The following ETV6 variants were observed in gnomAD, a reference collection of about 807,000 sequenced individuals.
ETV6 encodes transcription factor ETV6.
A neutral mutation model predicts 51.1 loss-of-function variants in ETV6; 16 were observed. The ratio of observed to expected loss-of-function variants is 0.31; its 90% CI spans 0.21 to 0.48. The LOEUF (loss-of-function observed/expected upper bound fraction) is 0.48. Ranked by LOEUF, ETV6 falls within the 20% of genes least tolerant of loss-of-function variation. ETV6 has a pLI of 0.99. For missense variants in ETV6, 458 were observed against 594.8 expected (o/e 0.77, Z 2.39); for synonymous variants, 240 against 224.1 (o/e 1.07, Z -0.64).
intron 1 of ETV6, among the ~76,000 whole-genome samples, chr12:11,675,383 G>A (rs1039691641): frequency 1.3e-5 from 2 of 152,186 alleles, no homozygotes; most frequent in South Asian, 2.1e-4. Context: ...CTGAGCAAGT[G>A]CATCTATACA....
At chr12:11,779,580 C>T (rs189294873) in intron 2 of ETV6, among the ~76,000 whole-genome samples, 16 of 152,244 alleles carry the variant, frequency 1.1e-4, no homozygotes, top group Admixed American at 2.0e-4. Flanking sequence ...GTTCAAGTGA[C>T]GCAACCATTT....
intron 2 of ETV6, among the ~76,000 whole-genome samples, chr12:11,760,854 A>G (rs1480466372): frequency 4.6e-5 from 7 of 151,230 alleles, no homozygotes; most frequent in Non-Finnish European, 1.5e-5. Context: ...AGAAGAAATA[A>G]TGATCACTAC....
At chr12:11,820,630 G>A (rs1759075827) in intron 2 of ETV6, among the ~76,000 whole-genome samples, 1 of 152,134 alleles carries the variant, frequency 6.6e-6, no homozygotes, top group African/African-American at 2.4e-5. Context: ...GTAGGTCTGA[G>A]GAACAGCAGA....
chr12:11,882,980 C>A (rs1947123733), intron 5 of ETV6, among the ~76,000 whole-genome samples: 1 of 152,220 alleles, frequency 6.6e-6, no homozygotes, highest in South Asian at 2.1e-4. Context: ...CTCTGAGGAT[C>A]AGAAATAATA....
At chr12:11,795,255 T>G (rs1186791716) in intron 2 of ETV6, among the ~76,000 whole-genome samples, 5 of 152,234 alleles carry the variant, frequency 3.3e-5, no homozygotes, top group Non-Finnish European at 5.9e-5. Context: ...ATATTAAACT[T>G]GGGATAACTT....
chr12:11,855,667 C>T lies in ETV6; in HGVS notation c.463+2106C>T, dbSNP rs183359046. On this transcript the variant is annotated intron_variant, in intron 4 of 7. Coordinates refer to ENST00000396373, the MANE Select transcript of ETV6 (RefSeq NM_001987.5). ...AGCCTGACTCCAGGCGATGACACCA[C>T]CTCCTTGTGCCAAGCATTTCACAGC... 2.4e-3 allele frequency among the ~76,000 whole-genome samples: 370 copies of T among 152,320 alleles called. 2 individuals are homozygous for T. The highest frequency in any genetic ancestry group is 0.014 in the Middle Eastern group (4 of 294).
At chr12:11,778,943 G>C (rs565635046) in intron 2 of ETV6, among the ~76,000 whole-genome samples, 9 of 152,346 alleles carry the variant, frequency 5.9e-5, no homozygotes, top group African/African-American at 2.2e-4. Context: ...CAAACTGTCA[G>C]ACTTGGGTTG....
At chr12:11,670,398 A>G (rs1864291334) in intron 1 of ETV6, among the ~76,000 whole-genome samples, 1 of 152,238 alleles carries the variant, frequency 6.6e-6, no homozygotes, top group Non-Finnish European at 1.5e-5. Context: ...AATTTTTCAA[A>G]TAGTGGTCTT....
intron 1 of ETV6, among the ~76,000 whole-genome samples, chr12:11,702,336 T>A (rs1864998905): frequency 6.6e-6 from 1 of 152,208 alleles, no homozygotes; most frequent in Non-Finnish European, 1.5e-5. Flanking sequence ...TTTAGAGGTC[T>A]GTTTTTAGAA....
chr12:11,665,117 C>G (rs1864171055), intron 1 of ETV6, among the ~76,000 whole-genome samples: 1 of 152,198 alleles, frequency 6.6e-6, no homozygotes, highest in Admixed American at 6.5e-5. Context: ...AGGTGATTCT[C>G]CCATCTCAGC....
chr12:11,749,288 TACACACACACACACACACACACACAC>T (rs761925697), intron 1 of ETV6, among the ~76,000 whole-genome samples: 5,163 of 122,958 alleles, frequency 0.042, 221 homozygotes, highest in East Asian at 0.1. Context: ...ATCCCCCCCA[TACACACACACACACACACACACACAC>T]ACACACACAC....
intron 1 of ETV6, among the ~76,000 whole-genome samples, chr12:11,735,756 G>A (rs989835628): frequency 2.6e-4 from 39 of 152,140 alleles, no homozygotes; most frequent in African/African-American, 8.2e-4. Context: ...CCGCCAGTAC[G>A]CCTGGCTAAT....
intron 1 of ETV6, among the ~76,000 whole-genome samples, chr12:11,667,704 T>TTC (rs1864221690): frequency 7.6e-6 from 1 of 131,260 alleles, no homozygotes; most frequent in Non-Finnish European, 1.6e-5. Flanking sequence ...TAATTTTTTT[T>TTC]TTTTTTTTTT....
chr12:11,887,777 C>A (rs565736300), intron 7 of ETV6, among the ~76,000 whole-genome samples: 1 of 151,688 alleles, frequency 6.6e-6, no homozygotes. Flanking sequence ...AAAAGAAATT[C>A]CACCCAGAAT....
intron 1 of ETV6, among the ~76,000 whole-genome samples, chr12:11,708,812 A>G (rs1565494032): frequency 6.6e-6 from 1 of 152,168 alleles, no homozygotes; most frequent in Non-Finnish European, 1.5e-5. Context: ...TCAGCCATCA[A>G]TGAGAATTTA....
At chr12:11,796,139 C>G (rs912844863) in intron 2 of ETV6, among the ~76,000 whole-genome samples, 3 of 151,870 alleles carry the variant, frequency 2.0e-5, no homozygotes, top group African/African-American at 7.3e-5. Flanking sequence ...ATACAGACAC[C>G]TCAGCCTCCA....
chr12:11,753,832 C>T (rs1944958028), intron 2 of ETV6, among the ~76,000 whole-genome samples: 1 of 152,192 alleles, frequency 6.6e-6, no homozygotes, highest in South Asian at 2.1e-4. Context: ...CTTGCTGCGT[C>T]CATCAGTATT....
chr12:11,830,076 G>A (rs1946219721), intron 2 of ETV6, among the ~76,000 whole-genome samples: 1 of 152,116 alleles, frequency 6.6e-6, no homozygotes, highest in Admixed American at 6.6e-5. Flanking sequence ...AGTGCCTCTG[G>A]GAAGCAGCTT....
chr12:11,825,310 A>C (rs1946136500), intron 2 of ETV6, among the ~76,000 whole-genome samples: 1 of 152,230 alleles, frequency 6.6e-6, no homozygotes, highest in East Asian at 1.9e-4. Flanking sequence ...TAAAAGAGAA[A>C]CACAAGGGGG....
Sources: gnomAD v4.1 joint callset for allele counts (sites outside exome capture counted in the v4.1 genomes callset) on GRCh38, gnomAD v4.1.1 for gene constraint, MANE v1.5 for transcripts, NCBI Gene and HGNC (gene_info 2026-07-23, HGNC 2026-07-21) for gene names.